FADS3: variants seen among roughly 807,000 people sequenced by gnomAD.
FADS3 encodes cytochrome b5-related protein.
Under a neutral mutation model 60.4 loss-of-function variants are expected in FADS3, and 30 were observed. That is an observed-to-expected ratio of 0.50 (90% confidence interval 0.37 to 0.67). The LOEUF (loss-of-function observed/expected upper bound fraction) is 0.67. Among genes scored for constraint, FADS3 ranks in the 30% least tolerant of loss-of-function variants. The probability of loss-of-function intolerance (pLI) is 0.00; values close to 1 mark genes in which losing one functional copy is unlikely to be tolerated. For missense variants in FADS3, 432 were observed against 598.3 expected, an observed-to-expected ratio of 0.72 and a Z score of 2.90; for synonymous variants, 234 against 249.3, an observed-to-expected ratio of 0.94 and a Z score of 0.58.
intron 5 of FADS3, 98 bp from the exon 6 acceptor site, chr11:61,878,313 A>T: frequency 1.4e-6 from 2 of 1,421,890 alleles, no homozygotes; most frequent in Non-Finnish European, 2.0e-6. Flanking sequence ...GGTCAAAGGC[A>T]ACTCTAGATT....
chr11:61,878,483 A>G lies in FADS3; in HGVS notation c.747+29T>C, dbSNP rs1287943527. 4 of 1,608,848 alleles carry G rather than the reference A, an allele frequency of 2.5e-6. No homozygotes were observed. The South Asian group carries it at 4.4e-5, about 18-fold the overall frequency. On this transcript the variant is annotated intron_variant, in intron 5 of 11. Transcript: ENST00000278829. ...CTCCCCCTCAGCTGCAGGCCCAGCC[A>G]GAGGTTGTCCACGTCCCTCCCCACC...
intron 1 of FADS3, among the ~76,000 whole-genome samples, chr11:61,884,245 G>A (rs1938232838): frequency 6.6e-6 from 1 of 152,186 alleles, no homozygotes; most frequent in African/African-American, 2.4e-5. Context: ...ACTCATAAGT[G>A]AGAGTTGAAC....
In FADS3 at chr11:61,875,920, G is replaced by A. The variant is rs763222458; in HGVS notation, c.1217C>T (p.Ser406Leu). ...NYSRVAPLVK[S>L]LCAKHGLSYE... ...GCTGAGGCCGTGCTTGGCACACAGCGACTTGACCAGCGGGGCCACCCGGCT... is the reference window on the plus strand; with the variant it reads ...GCTGAGGCCGTGCTTGGCACACAGCAACTTGACCAGCGGGGCCACCCGGCT... Residue 406 changes from serine (S) to leucine (L), a missense_variant, in exon 11 of 12, where the codon TCG (serine) becomes TTG (leucine). Physicochemically the swap from Ser to Leu is moderately radical, Grantham distance 145. This residue lies in a region of FADS3 where 63 missense variants were observed against 64.5 expected (regional missense o/e 0.98). Transcript: ENST00000278829. 13 of 1,613,730 alleles carry A rather than the reference G, an allele frequency of 8.1e-6. No homozygotes were observed. Among genetic ancestry groups the A allele is most frequent in the African/African-American group, 6.7e-5 (5 of 74,940 alleles).
At chr11:61,875,374 T>TTTTTG (rs1565342262) in intron 11 of FADS3, among the ~76,000 whole-genome samples, 93 of 7,286 alleles carry the variant, frequency 0.013, 35 homozygotes, top group South Asian at 0.031. Context: ...ACCCAGCTAA[T>TTTTTG]TTTTGTTTTT....
chr11:61,885,193 A>G (rs1591199812), intron 1 of FADS3, among the ~76,000 whole-genome samples: 1 of 151,918 alleles, frequency 6.6e-6, no homozygotes, highest in African/African-American at 2.4e-5. Context: ...CCAAGATCCC[A>G]CGCCCTGCCC....
intron 3 of FADS3, 84 bp from the exon 4 acceptor site, chr11:61,878,931 C>A (rs1399803473): frequency 9.1e-7 from 1 of 1,101,064 alleles, no homozygotes; most frequent in Non-Finnish European, 1.3e-6. Context: ...TTTCAGCTTG[C>A]AGGGTACCCC....
At position 61,876,659 on chromosome 11, in the gene FADS3, C is replaced by T. The variant is rs147483017; in HGVS notation, c.984-204G>A. ...CTGAGTCCAGAGCAGCTCCGACACCCACCGGGCCACTTACAAGCCAGGCCA... is the reference window on the plus strand; with the variant it reads ...CTGAGTCCAGAGCAGCTCCGACACCTACCGGGCCACTTACAAGCCAGGCCA... On this transcript the variant is annotated intron_variant, in intron 8 of 11. Transcript: ENST00000278829. The surrounding 1 kb of genome is among the most constrained non-coding windows in gnomAD (Gnocchi z 5.7). 9.3e-5 allele frequency: 61 copies of T among 656,620 alleles called. No individual in the cohort carries two copies. Among genetic ancestry groups the T allele is most frequent in the African/African-American group, 7.9e-4 (44 of 55,974 alleles). 40.7% of individuals were successfully genotyped at this position (656,620 alleles called of 1,614,324 possible).
intron 3 of FADS3, 41 bp from the exon 4 acceptor site, chr11:61,878,888 G>A (rs933168270): frequency 6.3e-7 from 1 of 1,586,850 alleles, no homozygotes; most frequent in Non-Finnish European, 8.6e-7. Context: ...GGGAAGGACG[G>A]AGCCCGCCAG....
chr11:61,882,467 T>C (rs1435924770), intron 1 of FADS3: 1 of 152,046 alleles, frequency 6.6e-6, no homozygotes, highest in East Asian at 1.9e-4. Context: ...GTCACCAGGC[T>C]GGAGTGCAGT....
chr11:61,876,829 T>C lies in FADS3; in HGVS notation c.983+37A>G. ...GTGGGGGGCTGCAGTGGGGGTCACCTGTCGCCTGTGTGTGACCTCGCCACT... is the reference window on the plus strand; with the variant it reads ...GTGGGGGGCTGCAGTGGGGGTCACCCGTCGCCTGTGTGTGACCTCGCCACT... On this transcript the variant is annotated intron_variant, in intron 8 of 11. Transcript: ENST00000278829. This position sits in a 1 kb window ranked among gnomAD's most constrained non-coding sequence, Gnocchi z 5.7. 1 of 1,502,558 alleles carries C rather than the reference T, an allele frequency of 6.7e-7. No individual in the cohort carries two copies. The highest frequency in any genetic ancestry group is 9.1e-7 in the Non-Finnish European group (1 of 1,094,934). The allele number at this position is 1,502,558 out of a possible 1,614,324, so 93.1% of individuals were successfully genotyped here. A position where few individuals can be genotyped will look rare whatever the true frequency, so the allele number is the denominator to read the frequency against.
At chr11:61,883,218 T>TC (rs926771840) in intron 1 of FADS3, among the ~76,000 whole-genome samples, 3 of 151,936 alleles carry the variant, frequency 2.0e-5, no homozygotes, top group Non-Finnish European at 4.4e-5. Context: ...CATTCTCTCC[T>TC]CCCCCTGCCC....
chr11:61,877,474 C>A lies in FADS3; in HGVS notation c.885+37G>T. On this transcript the variant is annotated intron_variant, in intron 7 of 11. Transcript: ENST00000278829. This position sits in a 1 kb window ranked among gnomAD's most constrained non-coding sequence, Gnocchi z 4.7. ...CCCGAGGCACCACCTCCTGCCACGG[C>A]AGCCGTATGCCCGGGGTCCTGGGCA... is the stretch of plus-strand genomic sequence containing the variant. 6.2e-7 allele frequency: 1 copy of A among 1,601,540 alleles called. No individual in the cohort carries two copies.
rs1386816851 is a variant in FADS3, at chr11:61,876,569, G to A, written c.984-114C>T. 1.2e-6 allele frequency: 1 copy of A among 830,228 alleles called. No homozygotes were observed. The highest frequency in any genetic ancestry group is 2.4e-5 in the East Asian group (1 of 41,000). 51.4% of individuals were successfully genotyped at this position (830,228 alleles called of 1,614,324 possible). A position where few individuals can be genotyped will look rare whatever the true frequency, so the allele number is the denominator to read the frequency against. On this transcript the variant is annotated intron_variant, in intron 8 of 11. Coordinates refer to ENST00000278829, the MANE Select transcript of FADS3 (RefSeq NM_021727.5). This position sits in a 1 kb window ranked among gnomAD's most constrained non-coding sequence, Gnocchi z 5.7. The stretch of plus-strand genomic sequence containing the variant: ...CTTGACTTCCTTATCTGTACAATAG[G>A]ATTGTGGCCATCGCCCCCTTGCCAG...
chr11:61,879,652 G>T (rs1011654232), intron 2 of FADS3, 143 bp from the exon 3 acceptor site: 4 of 797,428 alleles, frequency 5.0e-6, no homozygotes, highest in Admixed American at 4.7e-5. Context: ...CCAGCCCGGG[G>T]TGTGAGCTGG....
intron 1 of FADS3, among the ~76,000 whole-genome samples, chr11:61,883,677 T>C (rs576267571): frequency 6.6e-5 from 10 of 152,192 alleles, no homozygotes; most frequent in African/African-American, 2.2e-4. Flanking sequence ...TATCACCCCA[T>C]GTCAGTTCTG....
At chr11:61,885,059 TTAG>T (rs1938266275) in intron 1 of FADS3, among the ~76,000 whole-genome samples, 2 of 151,902 alleles carry the variant, frequency 1.3e-5, no homozygotes, top group Non-Finnish European at 2.9e-5. Context: ...CAGGTCCCAG[TTAG>T]TAGTGGCAGA....
At position 61,877,594 on chromosome 11, in the gene FADS3, G is replaced by C. The variant is rs376097613; in HGVS notation, c.809-7C>G. On this transcript the variant is annotated splice_polypyrimidine_tract_variant and splice_region_variant and intron_variant, in intron 6 of 11. Coordinates refer to ENST00000278829, the MANE Select transcript of FADS3 (RefSeq NM_021727.5). This position sits in a 1 kb window ranked among gnomAD's most constrained non-coding sequence, Gnocchi z 4.7. ...GTGAGCAGCGGCGGGCCGACTGCAA[G>C]AAGGGGCATGAGAGTGTTCAGGAGT... 1 of 1,613,246 alleles carries C rather than the reference G, an allele frequency of 6.2e-7. No individual in the cohort carries two copies. The highest frequency in any genetic ancestry group is 8.5e-7 in the Non-Finnish European group (1 of 1,179,896).
rs1458741556 is a variant in FADS3 at position 61,891,247 on chromosome 11, G to C, written c.135C>G (p.Val45=). 1 of 1,546,440 alleles carries C rather than the reference G, an allele frequency of 6.5e-7. No homozygotes were observed. The highest frequency in any genetic ancestry group is 8.7e-7 in the Non-Finnish European group (1 of 1,147,972). ...GDKWLVIERR[V]YDISRWAQRH... is the part of the protein sequence containing the mutation. Reference sequence around the variant, plus strand: ...GCTGTGCCCAGCGGCTGATGTCGTAGACGCGGCGCTCGATGACCAGCCACT... The same window carrying C: ...GCTGTGCCCAGCGGCTGATGTCGTACACGCGGCGCTCGATGACCAGCCACT... The change falls in exon 1 of 12, where the codon GTC becomes GTG. Residue 45 remains valine (V), a synonymous_variant. Coordinates refer to ENST00000278829, the MANE Select transcript of FADS3 (RefSeq NM_021727.5).
In FADS3 at chr11:61,891,157, T is replaced by C. The variant is rs693672; in HGVS notation, c.213+12A>G. The C allele has an allele frequency of 0.81, 1,250,554 of 1,553,156 alleles. 508,689 individuals are homozygous for C. The highest frequency in any genetic ancestry group is 0.83 in the Non-Finnish European group (952,606 of 1,148,098). On this transcript the variant is annotated intron_variant, in intron 1 of 11. Transcript: ENST00000278829. ...CACCCGCCGGTGGGTGGCTTCCTTA[T>C]GGCTTCCTTACCGTGGCGTCCTCAG...
Sources: allele counts gnomAD v4.1 joint callset (sites outside exome capture counted in the v4.1 genomes callset), GRCh38; gene constraint gnomAD v4.1.1; regional missense constraint gnomAD v4.1.1; non-coding constraint Gnocchi (gnomAD v3.1); transcripts MANE v1.5; gene names NCBI Gene and HGNC (gene_info 2026-07-23, HGNC 2026-07-21).